Variants in NELL2 observed in about 807,000 individuals in gnomAD.
NELL2 encodes the protein neural EGFL like 2.
NELL2 carries 41 observed loss-of-function variants against 109.6 expected under a neutral mutation model. The observed-to-expected ratio is 0.37, with a 90% CI of 0.29 to 0.49. The LOEUF is 0.49. Ranked by LOEUF, NELL2 falls within the 20% of genes least tolerant of loss-of-function variation. NELL2 has a pLI of 0.98. For missense variants in NELL2, 900 were observed against 1,008.3 expected (o/e 0.89, Z 1.45); for synonymous variants, 355 against 344.7 (o/e 1.03, Z -0.33).
intron 2 of NELL2, among the ~76,000 whole-genome samples, chr12:44,816,768 T>G (rs1376125): frequency 0.99 from 150,423 of 152,278 alleles, 74,336 homozygotes; most frequent in East Asian, 1. Flanking sequence ...TCCTCCCCAG[T>G]CTTAGAGAAA....
chr12:44,722,322 T>C (rs578004075), intron 9 of NELL2, among the ~76,000 whole-genome samples: 42 of 152,104 alleles, frequency 2.8e-4, no homozygotes, highest in African/African-American at 1.0e-3. Flanking sequence ...TGCGCCAAAA[T>C]GCCCCACTAA....
intron 9 of NELL2, among the ~76,000 whole-genome samples, chr12:44,761,545 A>G (rs1456115319): frequency 6.6e-6 from 1 of 152,122 alleles, no homozygotes; most frequent in Non-Finnish European, 1.5e-5. Flanking sequence ...CTAAATGAAA[A>G]GAAATTATTA....
intron 2 of NELL2, among the ~76,000 whole-genome samples, chr12:44,849,876 A>G (rs1804108324): frequency 1.3e-5 from 2 of 152,184 alleles, no homozygotes; most frequent in South Asian, 4.1e-4. Flanking sequence ...TAAGTGAAAA[A>G]AGCCAGGCAC....
At chr12:44,700,971 T>C (rs538361863) in intron 12 of NELL2, among the ~76,000 whole-genome samples, 40 of 152,284 alleles carry the variant, frequency 2.6e-4, no homozygotes, top group African/African-American at 9.4e-4. Flanking sequence ...GTCATATCAT[T>C]AAGCAACCCC....
At chr12:44,576,856 C>T (rs1460430275) in intron 15 of NELL2, among the ~76,000 whole-genome samples, 1 of 150,722 alleles carries the variant, frequency 6.6e-6, no homozygotes, top group Non-Finnish European at 1.5e-5. Flanking sequence ...TCATCCACGT[C>T]CCTACAAAGG....
intron 12 of NELL2, among the ~76,000 whole-genome samples, chr12:44,675,071 CA>C (rs1293078079): frequency 2.0e-5 from 3 of 152,112 alleles, no homozygotes; most frequent in Non-Finnish European, 4.4e-5. Context: ...ATGTGAAGCT[CA>C]ACGTGGCAGA....
intron 13 of NELL2, among the ~76,000 whole-genome samples, chr12:44,644,580 GTATATATATATA>G (rs138161908): frequency 4.7e-5 from 4 of 84,394 alleles, no homozygotes; most frequent in Admixed American, 1.5e-4. Context: ...ACAAAGTAAA[GTATATATATATA>G]TATATATATA....
At chr12:44,900,446 G>A (rs906693170) in intron 1 of NELL2, among the ~76,000 whole-genome samples, 13 of 152,158 alleles carry the variant, frequency 8.5e-5, no homozygotes, top group African/African-American at 2.9e-4. Context: ...TTAGAACTCA[G>A]GAGTAAGAAA....
chr12:44,706,690 T>A (rs1168486531), intron 11 of NELL2, among the ~76,000 whole-genome samples: 1 of 152,202 alleles, frequency 6.6e-6, no homozygotes, highest in South Asian at 2.1e-4. Flanking sequence ...CTAAAGTTAT[T>A]AGAGCACTAC....
At chr12:44,571,744 G>C (rs1943878583) in intron 15 of NELL2, among the ~76,000 whole-genome samples, 1 of 152,178 alleles carries the variant, frequency 6.6e-6, no homozygotes, top group African/African-American at 2.4e-5. Context: ...CTTAGACATA[G>C]ATATTTTTTC....
chr12:44,653,421 G>A (rs1162941937), intron 13 of NELL2, among the ~76,000 whole-genome samples: 2 of 152,102 alleles, frequency 1.3e-5, no homozygotes, highest in Non-Finnish European at 2.9e-5. Context: ...AAATGATCCT[G>A]GAGAAAAGGG....
At position 44,787,771 on chromosome 12, in the gene NELL2, T is replaced by A. The variant is rs564651101; in HGVS notation, c.336-7749A>T. Among the ~76,000 whole-genome samples, 1,026 of 151,626 alleles carry A rather than the reference T, an allele frequency of 6.8e-3. 5 individuals carry two copies. Among genetic ancestry groups the A allele is most frequent in the South Asian group, 0.015 (74 of 4,792 alleles). The stretch of plus-strand genomic sequence containing the variant: ...CCAAATGTTAAGGGAAAAAAAAAAA[T>A]TTTAACTTCAGTCTCACACTTCATG... On this transcript the variant is annotated intron_variant, in intron 3 of 19. Transcript: ENST00000429094.
At chr12:44,624,974 A>G (rs915991536) in intron 13 of NELL2, among the ~76,000 whole-genome samples, 28 of 136,858 alleles carry the variant, frequency 2.0e-4, no homozygotes, top group Non-Finnish European at 4.1e-4. Flanking sequence ...AGAGAAGATG[A>G]CAAATATATA....
chr12:44,759,415 C>A (rs912282723), intron 9 of NELL2, among the ~76,000 whole-genome samples: 9 of 152,156 alleles, frequency 5.9e-5, no homozygotes, highest in African/African-American at 1.9e-4. Context: ...AAATTTGCAA[C>A]TATCATATAA....
intron 10 of NELL2, 149 bp downstream of exon 10, chr12:44,714,501 T>C (rs1048578509): frequency 2.0e-6 from 1 of 499,378 alleles, no homozygotes; most frequent in Non-Finnish European, 3.6e-6. Flanking sequence ...AAATGAGAAT[T>C]TCTTTACATT....
At chr12:44,602,132 AATC>A (rs1945244900) in intron 15 of NELL2, among the ~76,000 whole-genome samples, 1 of 152,078 alleles carries the variant, frequency 6.6e-6, no homozygotes, top group Non-Finnish European at 1.5e-5. Flanking sequence ...ACAGAAAAAG[AATC>A]ATTGGTATCT....
intron 3 of NELL2, among the ~76,000 whole-genome samples, chr12:44,809,923 G>A (rs963271848): frequency 6.6e-6 from 1 of 152,042 alleles, no homozygotes; most frequent in Non-Finnish European, 1.5e-5. Context: ...CTGAGATGTT[G>A]CCATATAGCT....
At chr12:44,756,845 T>C (rs1940912407) in intron 9 of NELL2, among the ~76,000 whole-genome samples, 1 of 152,090 alleles carries the variant, frequency 6.6e-6, no homozygotes, top group African/African-American at 2.4e-5. Flanking sequence ...CAATATATTC[T>C]CTCCTTAAGT....
At chr12:44,889,867 T>A (rs974546320) in intron 1 of NELL2, among the ~76,000 whole-genome samples, 2 of 152,186 alleles carry the variant, frequency 1.3e-5, no homozygotes, top group Non-Finnish European at 2.9e-5. Context: ...ATGCAATAAT[T>A]CAAAATCTTT....
Sources: allele counts gnomAD v4.1 joint callset (sites outside exome capture counted in the v4.1 genomes callset), GRCh38; gene constraint gnomAD v4.1.1; transcripts MANE v1.5; gene names NCBI Gene and HGNC (gene_info 2026-07-23, HGNC 2026-07-21).